XYLB: variants seen among roughly 807,000 people sequenced by gnomAD.
XYLB encodes xylulokinase, also known as xylulose kinase.
A neutral mutation model predicts 78.7 loss-of-function variants in XYLB; 62 were observed. That is an observed-to-expected ratio of 0.79 (90% confidence interval 0.64 to 0.97). The LOEUF is 0.97. XYLB is among the 50% of genes least tolerant of loss of function. The pLI is 0.00. For synonymous variants in XYLB, 245 were observed against 247.4 expected, an observed-to-expected ratio of 0.99 and a Z score of 0.09; for missense variants, 687 against 676.8, an observed-to-expected ratio of 1.02 and a Z score of -0.17.
chr3:38,350,752 C>T (rs945555207), intron 2 of XYLB, among the ~76,000 whole-genome samples: 1 of 149,680 alleles, frequency 6.7e-6, no homozygotes, highest in African/African-American at 2.4e-5. Flanking sequence ...GCCTTAGCAG[C>T]ATCCCATACA....
chr3:38,452,985 C>T, the XYLB span: 1 of 152,170 alleles, frequency 6.6e-6, no homozygotes, highest in Non-Finnish European at 1.5e-5. Flanking sequence ...CATCCCTGAG[C>T]TATGATGGTC....
chr3:38,428,942 T>C, the XYLB span, among the ~76,000 whole-genome samples: 1 of 152,224 alleles, frequency 6.6e-6, no homozygotes, highest in Admixed American at 6.5e-5. Context: ...GCTGCTCAGG[T>C]TCCTCTTCAA....
the XYLB span, among the ~76,000 whole-genome samples, chr3:38,427,676 C>T: frequency 4.6e-5 from 7 of 152,072 alleles, no homozygotes; most frequent in Admixed American, 4.6e-4. Context: ...TTACTGCAAC[C>T]TCCGCCTCCC....
intron 15 of XYLB, among the ~76,000 whole-genome samples, chr3:38,380,559 C>T (rs1293937733): frequency 1.3e-5 from 2 of 152,064 alleles, no homozygotes. Flanking sequence ...ATATTTTATA[C>T]CTTTGAATCA....
chr3:38,438,228 AT>A, the XYLB span, among the ~76,000 whole-genome samples: 9,332 of 149,580 alleles, frequency 0.062, 449 homozygotes, highest in East Asian at 0.19. Flanking sequence ...CCCTGTCTCC[AT>A]TTTTTTTTTA....
intron 2 of XYLB, among the ~76,000 whole-genome samples, chr3:38,353,537 C>T (rs1441695289): frequency 6.6e-6 from 1 of 151,780 alleles, no homozygotes; most frequent in Non-Finnish European, 1.5e-5. Context: ...TCTCGAACTC[C>T]TGGGCTCAAG....
At chr3:38,400,067 G>T (rs1708058459) in intron 17 of XYLB, among the ~76,000 whole-genome samples, 1 of 152,084 alleles carries the variant, frequency 6.6e-6, no homozygotes, top group South Asian at 2.1e-4. Context: ...TTCACTCCTG[G>T]TGGTGGTGGT....
downstream of XYLB, among the ~76,000 whole-genome samples, chr3:38,424,358 A>G (rs1001678825): frequency 6.6e-6 from 1 of 152,194 alleles, no homozygotes; most frequent in African/African-American, 2.4e-5. Flanking sequence ...TCCTGGAAAA[A>G]TTTTTGTTCC....
chr3:38,368,724 C>T (rs1480059450), intron 8 of XYLB, among the ~76,000 whole-genome samples: 1 of 152,062 alleles, frequency 6.6e-6, no homozygotes, highest in African/African-American at 2.4e-5. Context: ...GTCTTTTATA[C>T]CCTAATCTTG....
At chr3:38,415,505 G>A (rs1034308747), downstream of XYLB, among the ~76,000 whole-genome samples, 4 of 152,166 alleles carry the variant, frequency 2.6e-5, no homozygotes, top group African/African-American at 9.7e-5. Context: ...GTACCCAGCT[G>A]GGAATGGTGG....
At chr3:38,425,578 C>T (rs1709083661), downstream of XYLB, among the ~76,000 whole-genome samples, 1 of 152,204 alleles carries the variant, frequency 6.6e-6, no homozygotes, top group Non-Finnish European at 1.5e-5. Flanking sequence ...AAACCAGCTT[C>T]AAAGACAGAA....
At chr3:38,441,680 ACCATGAGTAGTCC>A in the XYLB span, among the ~76,000 whole-genome samples, 2 of 152,122 alleles carry the variant, frequency 1.3e-5, no homozygotes, top group African/African-American at 4.8e-5. Flanking sequence ...TGCCATTTAC[ACCATGAGTAGTCC>A]AGACAGTGAG....
chr3:38,377,689 C>CG (rs1174428360), intron 14 of XYLB, among the ~76,000 whole-genome samples: 1 of 152,078 alleles, frequency 6.6e-6, no homozygotes, highest in Non-Finnish European at 1.5e-5. Flanking sequence ...TCAAGTGATA[C>CG]GCCCCCTCCC....
At chr3:38,382,584 A>G (rs79041210) in intron 15 of XYLB, among the ~76,000 whole-genome samples, 1 of 152,200 alleles carries the variant, frequency 6.6e-6, no homozygotes, top group Non-Finnish European at 1.5e-5. Flanking sequence ...AAGTGTAAAA[A>G]GACGTTTCCT....
At chr3:38,417,668 TCA>T, downstream of XYLB, among the ~76,000 whole-genome samples, 1 of 151,996 alleles carries the variant, frequency 6.6e-6, no homozygotes, top group East Asian at 1.9e-4. Flanking sequence ...GATCATGAAG[TCA>T]GGAGTTCAAG....
At chr3:38,364,523 C>A (rs1403409037) in intron 4 of XYLB, among the ~76,000 whole-genome samples, 1 of 131,406 alleles carries the variant, frequency 7.6e-6, no homozygotes, top group African/African-American at 2.8e-5. Flanking sequence ...AGCCCATCAC[C>A]CACCCCCGAC....
intron 2 of XYLB, among the ~76,000 whole-genome samples, chr3:38,353,879 T>G (rs1468144310): frequency 6.3e-5 from 3 of 47,866 alleles, no homozygotes; most frequent in Non-Finnish European, 1.4e-4. Flanking sequence ...AAAGTGAGAC[T>G]CCATATAAAA....
chr3:38,377,797 G>C (rs1462519486), intron 14 of XYLB, among the ~76,000 whole-genome samples: 1 of 151,964 alleles, frequency 6.6e-6, no homozygotes, highest in Non-Finnish European at 1.5e-5. Flanking sequence ...TGGAGAGGTT[G>C]AGACTCAGAG....
chr3:38,391,884 T>C (rs1192027875), intron 15 of XYLB, among the ~76,000 whole-genome samples: 1 of 152,216 alleles, frequency 6.6e-6, no homozygotes, highest in Admixed American at 6.5e-5. Context: ...TTTATTCTGG[T>C]TGGAAGAGGA....
Sources: gnomAD v4.1 joint callset for allele counts (sites outside exome capture counted in the v4.1 genomes callset) on GRCh38, gnomAD v4.1.1 for gene constraint, MANE v1.5 for transcripts, NCBI Gene and HGNC (gene_info 2026-07-23, HGNC 2026-07-21) for gene names.